TTC7B: variants seen among roughly 807,000 people sequenced by gnomAD.
TTC7B encodes the protein tetratricopeptide repeat domain 7B.
In TTC7B, 28 loss-of-function variants were observed where a neutral mutation model predicts 106.8. The observed-to-expected ratio is 0.26, with a 90% CI of 0.19 to 0.36. TTC7B has a LOEUF of 0.36. TTC7B is among the 10% of genes least tolerant of loss of function. The probability of loss-of-function intolerance (pLI) is 1.00; values close to 1 mark genes in which losing one functional copy is unlikely to be tolerated. For synonymous variants in TTC7B, 405 were observed against 430.6 expected (o/e 0.94, Z 0.74); for missense variants, 862 against 1,076.4 (o/e 0.80, Z 2.79).
At chr14:90,702,220 T>C (rs997864682) in intron 5 of TTC7B, among the ~76,000 whole-genome samples, 10 of 152,206 alleles carry the variant, frequency 6.6e-5, no homozygotes, top group African/African-American at 2.4e-4. Context: ...ATAACAACTG[T>C]ACCCACCTCA....
intron 3 of TTC7B, among the ~76,000 whole-genome samples, chr14:90,753,925 G>A (rs1159802268): frequency 6.6e-6 from 1 of 152,202 alleles, no homozygotes; most frequent in Non-Finnish European, 1.5e-5. Context: ...CAAATGAGAT[G>A]CTAGCTCAAC....
At chr14:90,681,613 G>A (rs1366121599) in intron 7 of TTC7B, among the ~76,000 whole-genome samples, 1 of 152,186 alleles carries the variant, frequency 6.6e-6, no homozygotes, top group Admixed American at 6.5e-5. Context: ...TGGTATTCTC[G>A]TTACAATGCT....
intron 5 of TTC7B, among the ~76,000 whole-genome samples, chr14:90,725,274 C>G (rs1177425036): frequency 6.6e-6 from 1 of 152,214 alleles, no homozygotes; most frequent in Non-Finnish European, 1.5e-5. Context: ...AAAGCATGCT[C>G]ACGTCCTGGC....
intron 19 of TTC7B, among the ~76,000 whole-genome samples, chr14:90,555,861 A>G (rs1410119230): frequency 2.0e-5 from 3 of 152,210 alleles, no homozygotes; most frequent in East Asian, 3.9e-4. Context: ...CTGGGAGTGG[A>G]ATAACTTGGT....
chr14:90,562,512 T>C (rs1192031720), intron 19 of TTC7B, among the ~76,000 whole-genome samples: 1 of 152,206 alleles, frequency 6.6e-6, no homozygotes, highest in African/African-American at 2.4e-5. Flanking sequence ...AAACTGTATC[T>C]TGAAAAAGTT....
intron 5 of TTC7B, among the ~76,000 whole-genome samples, chr14:90,720,639 A>G (rs1347459144): frequency 3.3e-5 from 5 of 152,194 alleles, no homozygotes; most frequent in Admixed American, 3.3e-4. Flanking sequence ...TATATCAGCA[A>G]TTCCCAGGGC....
Position 90,600,372 on chromosome 14 carries a change from T to A in TTC7B, c.1967-6746A>T, listed in dbSNP as rs1339298408. Among the ~76,000 whole-genome samples the A allele has an allele frequency of 2.0e-5, 3 of 152,060 alleles. No individual in the cohort carries two copies. Among genetic ancestry groups the A allele is most frequent in the Admixed American group, 1.3e-4 (2 of 15,278 alleles). On this transcript the variant is annotated intron_variant, in intron 17 of 19. Transcript: ENST00000328459. This position sits in a 1 kb window ranked among gnomAD's most constrained non-coding sequence, Gnocchi z 4.3. ...CTGGGAGCTGCCCTCGCGCCTTGTGTCCCCCAGTGTGACAGCAGGGGCGGG... is the reference window on the plus strand; with the variant it reads ...CTGGGAGCTGCCCTCGCGCCTTGTGACCCCCAGTGTGACAGCAGGGGCGGG...
chr14:90,758,287 G>A (rs926911345), intron 3 of TTC7B, among the ~76,000 whole-genome samples: 1 of 149,980 alleles, frequency 6.7e-6, no homozygotes, highest in Admixed American at 6.6e-5. Flanking sequence ...GTCCTGCGGC[G>A]GCACCTGCGC....
chr14:90,815,850 C>T (rs1437428430), intron 1 of TTC7B, among the ~76,000 whole-genome samples: 3 of 152,230 alleles, frequency 2.0e-5, no homozygotes, highest in South Asian at 4.1e-4. Context: ...AGCCCCAGGC[C>T]GGCCCCTGAC....
At chr14:90,666,255 G>A (rs1886405243) in intron 9 of TTC7B, among the ~76,000 whole-genome samples, 1 of 152,158 alleles carries the variant, frequency 6.6e-6, no homozygotes, top group South Asian at 2.1e-4. Context: ...TCCACCTCCT[G>A]GGTTCAAGTG....
intron 1 of TTC7B, among the ~76,000 whole-genome samples, chr14:90,806,121 G>T (rs888946616): frequency 1.1e-4 from 16 of 152,228 alleles, no homozygotes; most frequent in Non-Finnish European, 1.9e-4. Context: ...ACTGGTGGTT[G>T]GGATACAGCA....
Position 90,780,885 on chromosome 14 carries a change from T to C in TTC7B, c.298A>G (p.Asn100Asp). Residue 100 changes from asparagine to aspartate, a missense_variant, in exon 3 of 20, where the codon AAT (asparagine) becomes GAT (aspartate). Transcript: ENST00000328459. ...TAATTCAACTTGGCCATGATCAGAT[T>C]GGATTCTTGTAGGAATTCTGACTAG... ...NLKSEFLQES[N>D]LIMAKLNYVE... The C allele has an allele frequency of 1.2e-6, 2 of 1,614,184 alleles. No individual in the cohort carries two copies. Among genetic ancestry groups the C allele is most frequent in the Non-Finnish European group, 8.5e-7 (1 of 1,180,026 alleles).
chr14:90,799,478 G>C (rs907086738), intron 1 of TTC7B, among the ~76,000 whole-genome samples: 13 of 152,354 alleles, frequency 8.5e-5, no homozygotes, highest in African/African-American at 3.1e-4. Flanking sequence ...GCAGAGAAAA[G>C]AGGGTGACTG....
chr14:90,584,018 T>A (rs1891614618), intron 18 of TTC7B, among the ~76,000 whole-genome samples: 1 of 152,136 alleles, frequency 6.6e-6, no homozygotes, highest in Admixed American at 6.5e-5. Context: ...CTTTCCATTC[T>A]TCCTCCACCC....
intron 9 of TTC7B, among the ~76,000 whole-genome samples, chr14:90,666,802 G>T (rs1359075959): frequency 2.0e-5 from 3 of 152,214 alleles, no homozygotes; most frequent in Admixed American, 6.5e-5. Flanking sequence ...TGGCCACAGT[G>T]AGAGGAGTAG....
chr14:90,610,158 ACACTTCACCTGTGT>A (rs771230864), intron 17 of TTC7B, among the ~76,000 whole-genome samples: 86 of 152,186 alleles, frequency 5.7e-4, no homozygotes, highest in Non-Finnish European at 1.0e-3. Flanking sequence ...CGGGTAAGGG[ACACTTCACCTGTGT>A]CACCACTGTG....
intron 5 of TTC7B, among the ~76,000 whole-genome samples, chr14:90,726,782 C>T (rs1371914710): frequency 6.6e-6 from 1 of 152,230 alleles, no homozygotes; most frequent in East Asian, 1.9e-4. Flanking sequence ...CCCTCTGAGG[C>T]TACTGTTCTG....
chr14:90,596,421 AGAT>A (rs1014296838), intron 17 of TTC7B, among the ~76,000 whole-genome samples: 15 of 152,338 alleles, frequency 9.8e-5, no homozygotes, highest in Admixed American at 8.5e-4. Flanking sequence ...AAGGTCTGGC[AGAT>A]GATGATGATG....
At chr14:90,610,139 C>T (rs987667184) in intron 17 of TTC7B, among the ~76,000 whole-genome samples, 1 of 152,198 alleles carries the variant, frequency 6.6e-6, no homozygotes, top group Non-Finnish European at 1.5e-5. Context: ...CTTCTGGTCC[C>T]GGGCATTTCG....
Sources: allele counts gnomAD v4.1 joint callset (sites outside exome capture counted in the v4.1 genomes callset), GRCh38; gene constraint gnomAD v4.1.1; non-coding constraint Gnocchi (gnomAD v3.1); transcripts MANE v1.5; gene names NCBI Gene and HGNC (gene_info 2026-07-23, HGNC 2026-07-21).